VAT1L: variants seen among roughly 807,000 people sequenced by gnomAD.
VAT1L encodes putative NADPH-dependent quinone oxidoreductase VAT1L.
Under a neutral mutation model 44.1 loss-of-function variants are expected in VAT1L, and 34 were observed. The observed-to-expected ratio is 0.77, with a 90% confidence interval of 0.59 to 1.03. The LOEUF is 1.03. VAT1L is among the 50% of genes least tolerant of loss of function. The probability of loss-of-function intolerance (pLI) is 0.00; values close to 1 mark genes in which losing one functional copy is unlikely to be tolerated. For missense variants in VAT1L, 615 were observed against 538.8 expected (o/e 1.14, Z -1.40); for synonymous variants, 253 against 202.2 (o/e 1.25, Z -2.13).
At chr16:77,913,069 T>C (rs879713273) in intron 7 of VAT1L, among the ~76,000 whole-genome samples, 4 of 152,324 alleles carry the variant, frequency 2.6e-5, no homozygotes, top group Admixed American at 1.3e-4. Context: ...GGTGGGGTCA[T>C]AGGCATTCAG....
chr16:77,862,680 CACCCAGCAA>C, intron 3 of VAT1L, 59 bp from the exon 4 acceptor site: 1 of 1,133,376 alleles, frequency 8.8e-7, no homozygotes, highest in South Asian at 1.5e-5. Context: ...TCCTGCTCTA[CACCCAGCAA>C]GACTGGCTAT....
intron 1 of VAT1L, among the ~76,000 whole-genome samples, chr16:77,813,757 G>C (rs186371984): frequency 6.6e-6 from 1 of 152,234 alleles, no homozygotes; most frequent in East Asian, 1.9e-4. Flanking sequence ...CCAATTCATA[G>C]TTTTACAGAG....
chr16:77,835,116 T>C (rs2016624994), intron 3 of VAT1L, among the ~76,000 whole-genome samples: 1 of 152,238 alleles, frequency 6.6e-6, no homozygotes, highest in Non-Finnish European at 1.5e-5. Context: ...TCTTTTTGTG[T>C]CTGGTTCCTG....
At chr16:77,971,637 C>A (rs546428072) in intron 7 of VAT1L, among the ~76,000 whole-genome samples, 1 of 152,154 alleles carries the variant, frequency 6.6e-6, no homozygotes, top group East Asian at 1.9e-4. Flanking sequence ...CTCACTTTTC[C>A]GACCCAGAAG....
At chr16:77,866,871 A>C (rs1227286227) in intron 4 of VAT1L, among the ~76,000 whole-genome samples, 2 of 152,188 alleles carry the variant, frequency 1.3e-5, no homozygotes, top group African/African-American at 4.8e-5. Context: ...GGGCTTTACA[A>C]ATAAGGAAAA....
chr16:77,946,975 C>T (rs781056278), intron 7 of VAT1L, among the ~76,000 whole-genome samples: 1 of 152,190 alleles, frequency 6.6e-6, no homozygotes, highest in African/African-American at 2.4e-5. Flanking sequence ...CTTTAATTCC[C>T]TGTCTGTTGA....
chr16:77,926,623 G>C (rs557978433), intron 7 of VAT1L, among the ~76,000 whole-genome samples: 73 of 152,230 alleles, frequency 4.8e-4, no homozygotes, highest in Non-Finnish European at 8.7e-4. Flanking sequence ...AAGATACGGT[G>C]GTTGATTAAG....
At chr16:77,880,435 T>C (rs959265512) in intron 6 of VAT1L, among the ~76,000 whole-genome samples, 3 of 152,032 alleles carry the variant, frequency 2.0e-5, no homozygotes, top group Admixed American at 6.6e-5. Context: ...GCTGGAATTA[T>C]AGGTGTGAGC....
chr16:77,896,007 C>T (rs917017809), intron 7 of VAT1L, among the ~76,000 whole-genome samples: 1 of 152,166 alleles, frequency 6.6e-6, no homozygotes, highest in Non-Finnish European at 1.5e-5. Context: ...GAGGTTGGCA[C>T]ATTCAAGGAC....
intron 7 of VAT1L, among the ~76,000 whole-genome samples, chr16:77,929,978 T>C (rs997023523): frequency 3.3e-5 from 5 of 152,164 alleles, no homozygotes; most frequent in African/African-American, 1.2e-4. Context: ...TTCAACATGA[T>C]ATATTTTTCT....
chr16:77,970,638 C>A (rs985461358), intron 7 of VAT1L, among the ~76,000 whole-genome samples: 16 of 152,106 alleles, frequency 1.1e-4, no homozygotes, highest in Admixed American at 1.3e-4. Context: ...TAAGTTGCTT[C>A]AATGTTCTGC....
At chr16:77,923,862 G>C (rs772495716) in intron 7 of VAT1L, among the ~76,000 whole-genome samples, 2 of 152,132 alleles carry the variant, frequency 1.3e-5, no homozygotes, top group Non-Finnish European at 2.9e-5. Context: ...CTTAGCAGCC[G>C]ACACACTGGT....
intron 7 of VAT1L, among the ~76,000 whole-genome samples, chr16:77,961,427 C>T (rs562938879): frequency 2.4e-4 from 37 of 152,182 alleles, no homozygotes; most frequent in Admixed American, 8.5e-4. Flanking sequence ...TCCTGGCTCT[C>T]AGATCCCTGG....
chr16:77,930,327 G>A (rs1047544173), intron 7 of VAT1L, among the ~76,000 whole-genome samples: 2 of 152,094 alleles, frequency 1.3e-5, no homozygotes, highest in Non-Finnish European at 2.9e-5. Flanking sequence ...GATGTTCTTT[G>A]GGGGGACATG....
chr16:77,953,585 G>A (rs1331740422), intron 7 of VAT1L, among the ~76,000 whole-genome samples: 3 of 151,974 alleles, frequency 2.0e-5, no homozygotes, highest in Non-Finnish European at 4.4e-5. Flanking sequence ...CTGTCACCCA[G>A]GCTGGAGCAC....
intron 1 of VAT1L, among the ~76,000 whole-genome samples, chr16:77,807,726 G>A (rs1310021369): frequency 1.3e-5 from 2 of 152,028 alleles, no homozygotes; most frequent in Non-Finnish European, 1.5e-5. Context: ...CTGTGTACGA[G>A]GTACTCTGTT....
At chr16:77,968,569 C>T in intron 7 of VAT1L, among the ~76,000 whole-genome samples, 1 of 152,046 alleles carries the variant, frequency 6.6e-6, no homozygotes, top group South Asian at 2.1e-4. Flanking sequence ...GCTAAAAATA[C>T]AAAAAATTAG....
At chr16:77,859,504 G>A (rs2016894545) in intron 3 of VAT1L, among the ~76,000 whole-genome samples, 1 of 152,184 alleles carries the variant, frequency 6.6e-6, no homozygotes, top group Non-Finnish European at 1.5e-5. Flanking sequence ...AACTAGATGT[G>A]TGCATTTTAT....
chr16:77,790,196 C>T (rs1050900372), intron 1 of VAT1L, among the ~76,000 whole-genome samples: 13 of 152,206 alleles, frequency 8.5e-5, no homozygotes, highest in Non-Finnish European at 1.8e-4. Context: ...GAAGCAGCCG[C>T]TGATCCCTGC....
Sources: gnomAD v4.1 joint callset for allele counts (sites outside exome capture counted in the v4.1 genomes callset) on GRCh38, gnomAD v4.1.1 for gene constraint, MANE v1.5 for transcripts, NCBI Gene and HGNC (gene_info 2026-07-23, HGNC 2026-07-21) for gene names.